STK32B: variants seen among roughly 807,000 people sequenced by gnomAD.
STK32B encodes the protein serine/threonine-protein kinase 32B.
Under a neutral mutation model 52.6 loss-of-function variants are expected in STK32B, and 43 were observed. The observed-to-expected ratio is 0.82, with a 90% CI of 0.64 to 1.05. STK32B has a LOEUF of 1.05. Ranked by LOEUF, STK32B falls within the 50% of genes least tolerant of loss-of-function variation. The probability of loss-of-function intolerance (pLI) is 0.00; values close to 1 mark genes in which losing one functional copy is unlikely to be tolerated. For synonymous variants in STK32B, 238 were observed against 204.3 expected, an observed-to-expected ratio of 1.17 and a Z score of -1.41; for missense variants, 621 against 534.6, an observed-to-expected ratio of 1.16 and a Z score of -1.59.
the STK32B span, among the ~76,000 whole-genome samples, chr4:5,020,096 G>A: frequency 6.6e-6 from 1 of 152,178 alleles, no homozygotes; most frequent in Non-Finnish European, 1.5e-5. Flanking sequence ...TGTGGGGAGT[G>A]TGAGTACCCC....
At chr4:5,334,802 C>G (rs1732523766) in intron 4 of STK32B, among the ~76,000 whole-genome samples, 1 of 151,974 alleles carries the variant, frequency 6.6e-6, no homozygotes, top group South Asian at 2.1e-4. Flanking sequence ...TATATTGAAC[C>G]AGCCTTGCAT....
At chr4:5,140,080 C>T in intron 2 of STK32B, 120 bp downstream of exon 2, 2 of 1,483,440 alleles carry the variant, frequency 1.3e-6, no homozygotes, top group Non-Finnish European at 1.9e-6. Flanking sequence ...ACTTGACAAA[C>T]TTGAAATGTG....
At chr4:5,461,477 T>G (rs574433746) in intron 9 of STK32B, among the ~76,000 whole-genome samples, 1 of 152,292 alleles carries the variant, frequency 6.6e-6, no homozygotes, top group East Asian at 1.9e-4. Flanking sequence ...CTTCCAGACC[T>G]TTTTCACAAA....
chr4:5,286,146 G>A lies in STK32B; in HGVS notation c.261-45074G>A, dbSNP rs375346075. Among the ~76,000 whole-genome samples, 11 of 152,266 alleles carry A rather than the reference G, an allele frequency of 7.2e-5. 1 individual carries two copies. In the South Asian group the frequency reaches 1.5e-3, roughly 20 times the overall value. On this transcript the variant is annotated intron_variant, in intron 3 of 11. Coordinates refer to ENST00000282908, the MANE Select transcript of STK32B (RefSeq NM_018401.3). ...AACTATGAGAAAATAAATTTCTGTC[G>A]TTTAAGCCACCTGGCTGTGGTACTT...
chr4:5,396,064 C>T lies in STK32B; in HGVS notation c.435-2143C>T, dbSNP rs1358050565. ...TCAACTCTATCAGCTCTCCTTCCAC[C>T]GTGCCAGTTGTGTTAGCTTCCGGGG... On this transcript the variant is annotated intron_variant, in intron 4 of 11. Coordinates refer to ENST00000282908, the MANE Select transcript of STK32B (RefSeq NM_018401.3). This position sits in a 1 kb window ranked among gnomAD's most constrained non-coding sequence, Gnocchi z 4.7. Among the ~76,000 whole-genome samples the T allele has an allele frequency of 5.9e-5, 9 of 152,230 alleles. No individual in the cohort carries two copies. The highest frequency in any genetic ancestry group is 2.2e-4 in the African/African-American group (9 of 41,456).
rs1433116826 is a variant in STK32B at position 5,434,450 on chromosome 4, G to GTATA, written c.563-12222_563-12221insATAT. 6.6e-3 allele frequency among the ~76,000 whole-genome samples: 678 copies of GTATA among 103,312 alleles called. 7 individuals carry two copies. The highest frequency in any genetic ancestry group is 0.02 in the African/African-American group (597 of 30,130). 67.8% of individuals were successfully genotyped at this position (103,312 alleles called of 152,430 possible). ...TGCATGTATGTGTGTGTGTGTGTGT[G>GTATA]TGTGTATATATATATATATATATGA... On this transcript the variant is annotated intron_variant, in intron 6 of 11. Coordinates refer to ENST00000282908, the MANE Select transcript of STK32B (RefSeq NM_018401.3).
At chr4:5,184,695 A>AAAAAAAAAGAAG (rs58321341) in intron 3 of STK32B, among the ~76,000 whole-genome samples, 176 of 137,524 alleles carry the variant, frequency 1.3e-3, no homozygotes, top group African/African-American at 2.6e-3. Flanking sequence ...AAAAAAAAAA[A>AAAAAAAAAGAAG]AAGAAGAAGA....
intron 2 of STK32B, among the ~76,000 whole-genome samples, chr4:5,160,854 C>T (rs967550453): frequency 1.3e-5 from 2 of 152,106 alleles, no homozygotes; most frequent in African/African-American, 2.4e-5. Flanking sequence ...CGGCTTTGCC[C>T]CTTCACACAG....
intron 4 of STK32B, among the ~76,000 whole-genome samples, chr4:5,367,979 C>T (rs1015645124): frequency 6.6e-6 from 1 of 152,190 alleles, no homozygotes; most frequent in African/African-American, 2.4e-5. Flanking sequence ...TCTTTTCCCT[C>T]TGTCTCTTAC....
At chr4:5,087,669 G>T (rs1039444212) in intron 1 of STK32B, among the ~76,000 whole-genome samples, 4 of 151,242 alleles carry the variant, frequency 2.6e-5, no homozygotes, top group Non-Finnish European at 5.9e-5. Flanking sequence ...AAACATAATA[G>T]ACTTTAAGAA....
intron 1 of STK32B, among the ~76,000 whole-genome samples, chr4:5,126,766 ATCTC>A (rs952950425): frequency 6.6e-6 from 1 of 152,210 alleles, no homozygotes; most frequent in African/African-American, 2.4e-5. Flanking sequence ...AAGGCCGCCT[ATCTC>A]TCAACAAATG....
At chr4:5,200,347 C>T (rs1722034314) in intron 3 of STK32B, among the ~76,000 whole-genome samples, 1 of 147,904 alleles carries the variant, frequency 6.8e-6, no homozygotes, top group African/African-American at 2.5e-5. Flanking sequence ...ATTTTGTTTT[C>T]TATATTTACA....
intron 4 of STK32B, among the ~76,000 whole-genome samples, chr4:5,375,199 C>A (rs1273384935): frequency 6.6e-6 from 1 of 152,108 alleles, no homozygotes; most frequent in Non-Finnish European, 1.5e-5. Context: ...AGCCTCGTCC[C>A]CCACTCTGTC....
intron 3 of STK32B, among the ~76,000 whole-genome samples, chr4:5,216,317 C>G (rs1235359417): frequency 6.6e-6 from 1 of 152,130 alleles, no homozygotes; most frequent in Non-Finnish European, 1.5e-5. Context: ...GTACCAGGCA[C>G]TTTGTTAGGG....
intron 3 of STK32B, among the ~76,000 whole-genome samples, chr4:5,290,987 C>A (rs1379037925): frequency 6.6e-6 from 1 of 152,102 alleles, no homozygotes; most frequent in Non-Finnish European, 1.5e-5. Flanking sequence ...GCACTCTGAT[C>A]AAAATCAATT....
At chr4:5,356,633 G>T (rs956515690) in intron 4 of STK32B, among the ~76,000 whole-genome samples, 1 of 152,088 alleles carries the variant, frequency 6.6e-6, no homozygotes, top group Non-Finnish European at 1.5e-5. Context: ...TTTGCAACCA[G>T]GCGGTCCTTC....
chr4:5,097,711 A>G (rs1713478024), intron 1 of STK32B, among the ~76,000 whole-genome samples: 1 of 152,292 alleles, frequency 6.6e-6, no homozygotes. Flanking sequence ...GGTTAACAGG[A>G]CCCTGATCAC....
intron 6 of STK32B, among the ~76,000 whole-genome samples, chr4:5,428,039 A>C (rs1713244170): frequency 1.3e-5 from 2 of 152,146 alleles, no homozygotes; most frequent in South Asian, 4.2e-4. Context: ...TTAATGCTAT[A>C]AATTTTGTTT....
At chr4:5,283,473 C>T (rs1396869386) in intron 3 of STK32B, among the ~76,000 whole-genome samples, 2 of 152,038 alleles carry the variant, frequency 1.3e-5, no homozygotes, top group Non-Finnish European at 2.9e-5. Flanking sequence ...ACAACAAAAA[C>T]ATCCAGGTAT....
Sources: allele counts gnomAD v4.1 joint callset (sites outside exome capture counted in the v4.1 genomes callset), GRCh38; gene constraint gnomAD v4.1.1; non-coding constraint Gnocchi (gnomAD v3.1); transcripts MANE v1.5; gene names NCBI Gene and HGNC (gene_info 2026-07-23, HGNC 2026-07-21).